The following SNTG1 variants were observed in gnomAD, a reference collection of about 807,000 sequenced individuals.
The protein encoded by SNTG1 is gamma-1-syntrophin.
A neutral mutation model predicts 74.7 loss-of-function variants in SNTG1; 39 were observed. That is an observed-to-expected ratio of 0.52 (90% CI 0.40 to 0.68). The LOEUF (loss-of-function observed/expected upper bound fraction) is 0.68. SNTG1 is among the 30% of genes least tolerant of loss of function. SNTG1 has a pLI of 0.00. For missense variants in SNTG1, 685 were observed against 609.5 expected, an observed-to-expected ratio of 1.12 and a Z score of -1.30; for synonymous variants, 254 against 217.1, an observed-to-expected ratio of 1.17 and a Z score of -1.49.
intron 2 of SNTG1, among the ~76,000 whole-genome samples, chr8:50,315,511 G>T (rs956478333): frequency 6.7e-6 from 1 of 149,816 alleles, no homozygotes; most frequent in Non-Finnish European, 1.5e-5. Context: ...AAAATAAAAT[G>T]TTAGATATAA....
At chr8:50,750,495 G>A (rs1257398828) in intron 17 of SNTG1, among the ~76,000 whole-genome samples, 7 of 151,904 alleles carry the variant, frequency 4.6e-5, no homozygotes, top group Admixed American at 3.9e-4. Context: ...CGGCTATATT[G>A]CAGGCTACAG....
In SNTG1 at chr8:50,570,162, G is replaced by A. The variant is rs180985859; in HGVS notation, c.810+16983G>A. 2.7e-3 allele frequency among the ~76,000 whole-genome samples: 415 copies of A among 151,392 alleles called. 2 individuals carry two copies. The highest frequency in any genetic ancestry group is 9.6e-3 in the African/African-American group (395 of 41,360). On this transcript the variant is annotated intron_variant, in intron 12 of 18. Transcript: ENST00000642720. ...ATTTACCACAACCCAAAACATCTGC[G>A]TTGATTTCCTCTCCTTCGGATATAT... is the stretch of plus-strand genomic sequence containing the variant.
At chr8:50,096,405 G>A (rs1176123048) in intron 1 of SNTG1, among the ~76,000 whole-genome samples, 4 of 152,208 alleles carry the variant, frequency 2.6e-5, no homozygotes. Context: ...TTGGATAGAA[G>A]TGGCGAGTAT....
At chr8:50,074,830 A>G (rs1821689664) in intron 1 of SNTG1, among the ~76,000 whole-genome samples, 1 of 151,852 alleles carries the variant, frequency 6.6e-6, no homozygotes, top group Non-Finnish European at 1.5e-5. Context: ...GCCAGAGCCA[A>G]CTCCCTCTGC....
rs34086906 is a variant in SNTG1, at chr8:50,515,387, GTTTTTTTTTTTT to G, written c.466+12524_466+12535del. On this transcript the variant is annotated intron_variant, in intron 9 of 18. Transcript: ENST00000642720. ...GGCAGACAACAAGCTAGCTGCAGGAGTTTTTTTTTTTTTTTTTTTTTTTTTTTTGTTACTCCA... is the reference window on the plus strand; with the variant it reads ...GGCAGACAACAAGCTAGCTGCAGGAGTTTTTTTTTTTTTTTTGTTACTCCA... 5.0e-5 allele frequency among the ~76,000 whole-genome samples: 4 copies of G among 80,384 alleles called. 1 individual carries two copies. The Admixed American group carries it at 6.6e-4, about 13-fold the overall frequency. The allele number at this position is 80,384 out of a possible 152,430, so 52.7% of individuals were successfully genotyped here. A position where few individuals can be genotyped will look rare whatever the true frequency, so the allele number is the denominator to read the frequency against.
intron 1 of SNTG1, among the ~76,000 whole-genome samples, chr8:50,144,741 T>A (rs1052050251): frequency 1.3e-5 from 2 of 151,644 alleles, no homozygotes; most frequent in African/African-American, 4.9e-5. Context: ...AGATTGGGAG[T>A]TGAGCAGTGG....
chr8:50,446,741 G>A (rs763343881), intron 5 of SNTG1, among the ~76,000 whole-genome samples: 19 of 151,986 alleles, frequency 1.3e-4, no homozygotes, highest in Non-Finnish European at 2.8e-4. Flanking sequence ...CAAATTTCAG[G>A]ATAAATTTTA....
At chr8:50,096,383 TAAAG>T (rs1230966231) in intron 1 of SNTG1, among the ~76,000 whole-genome samples, 2 of 152,184 alleles carry the variant, frequency 1.3e-5, no homozygotes, top group Admixed American at 6.5e-5. Flanking sequence ...CTGCAAAACA[TAAAG>T]AAACTTATTG....
At chr8:50,693,966 A>C (rs998990055) in intron 15 of SNTG1, among the ~76,000 whole-genome samples, 1 of 152,194 alleles carries the variant, frequency 6.6e-6, no homozygotes, top group Non-Finnish European at 1.5e-5. Context: ...AGCAAATCTT[A>C]TAGGGAAGTT....
intron 15 of SNTG1, among the ~76,000 whole-genome samples, chr8:50,695,326 C>A (rs1264739954): frequency 3.3e-5 from 5 of 151,440 alleles, no homozygotes; most frequent in Admixed American, 3.3e-4. Flanking sequence ...TTAAAAAAAT[C>A]AAACAATACC....
chr8:50,102,008 G>C (rs1447832824), intron 1 of SNTG1, among the ~76,000 whole-genome samples: 1 of 151,778 alleles, frequency 6.6e-6, no homozygotes, highest in African/African-American at 2.4e-5. Flanking sequence ...GAATAGTGCC[G>C]CAATAAACAT....
intron 18 of SNTG1, among the ~76,000 whole-genome samples, chr8:50,783,662 T>C (rs2095666648): frequency 6.6e-6 from 1 of 152,218 alleles, no homozygotes; most frequent in South Asian, 2.1e-4. Flanking sequence ...AGTGAGGCAA[T>C]GCCTTGCCCT....
At chr8:50,084,021 T>G (rs550733241) in intron 1 of SNTG1, among the ~76,000 whole-genome samples, 1 of 152,322 alleles carries the variant, frequency 6.6e-6, no homozygotes, top group Non-Finnish European at 1.5e-5. Context: ...CTTTTAGCAT[T>G]AAACACACAA....
intron 1 of SNTG1, among the ~76,000 whole-genome samples, chr8:49,946,739 G>A (rs62501372): frequency 0.017 from 2,522 of 152,092 alleles, 46 homozygotes; most frequent in Non-Finnish European, 0.022. Context: ...ACCATTACAC[G>A]ATATTCTTGT....
chr8:50,402,269 G>A lies in SNTG1; in HGVS notation c.87G>A (p.Leu29=), dbSNP rs1276382450. 6.2e-7 allele frequency: 1 copy of A among 1,613,560 alleles called. No homozygotes were observed. The highest frequency in any genetic ancestry group is 8.5e-7 in the Non-Finnish European group (1 of 1,179,848). ...DGNQEPFKVR[L]HLAKDILMIQ... ...ACCAGGAGCCTTTCAAAGTGCGGCT[G>A]CACCTAGCCAAAGACATTTTGATGA... The change falls in exon 4 of 19, where the codon CTG becomes CTA. Residue 29 remains leucine, a synonymous_variant. Transcript: ENST00000642720.
chr8:50,219,685 A>T (rs1447978626), intron 2 of SNTG1, among the ~76,000 whole-genome samples: 1 of 152,140 alleles, frequency 6.6e-6, no homozygotes, highest in Non-Finnish European at 1.5e-5. Flanking sequence ...ACTCACTATC[A>T]TGAGAACAGC....
chr8:50,292,340 G>A (rs2089158042), intron 2 of SNTG1, among the ~76,000 whole-genome samples: 1 of 152,080 alleles, frequency 6.6e-6, no homozygotes, highest in African/African-American at 2.4e-5. Context: ...GGTGTAATGT[G>A]GTATGAGCCA....
chr8:50,129,233 T>C (rs2081240072), intron 1 of SNTG1, among the ~76,000 whole-genome samples: 1 of 152,072 alleles, frequency 6.6e-6, no homozygotes. Context: ...CTTTAAAAGT[T>C]AGTTTAGCAC....
At chr8:50,218,171 T>C (rs1306513717) in intron 2 of SNTG1, among the ~76,000 whole-genome samples, 2 of 152,172 alleles carry the variant, frequency 1.3e-5, no homozygotes, top group Non-Finnish European at 2.9e-5. Flanking sequence ...AGACTAATGT[T>C]TTATGTTGCC....
Sources: allele counts gnomAD v4.1 joint callset (sites outside exome capture counted in the v4.1 genomes callset), GRCh38; gene constraint gnomAD v4.1.1; transcripts MANE v1.5; gene names NCBI Gene and HGNC (gene_info 2026-07-23, HGNC 2026-07-21).